The following DLG2 variants were observed in gnomAD, a reference collection of about 807,000 sequenced individuals.
DLG2 encodes the protein disks large homolog 2.
A neutral mutation model predicts 132.5 loss-of-function variants in DLG2; 45 were observed. That is an observed-to-expected ratio of 0.34 (90% CI 0.27 to 0.44). The LOEUF is 0.44. Ranked by LOEUF, DLG2 falls within the 20% of genes least tolerant of loss-of-function variation. The probability of loss-of-function intolerance (pLI) is 1.00; values close to 1 mark genes in which losing one functional copy is unlikely to be tolerated. For missense variants in DLG2, 1,045 were observed against 1,196.9 expected (o/e 0.87, Z 1.87); for synonymous variants, 424 against 419.6 (o/e 1.01, Z -0.13).
intron 3 of DLG2, among the ~76,000 whole-genome samples, chr11:85,473,743 C>T (rs2093057240): frequency 6.6e-6 from 1 of 151,778 alleles, no homozygotes; most frequent in Non-Finnish European, 1.5e-5. Flanking sequence ...GAAAAAAATA[C>T]ATAAATATTG....
At chr11:84,324,158 C>G (rs985160091) in intron 7 of DLG2, among the ~76,000 whole-genome samples, 2 of 151,900 alleles carry the variant, frequency 1.3e-5, no homozygotes, top group East Asian at 3.9e-4. Context: ...ATAGGATTTT[C>G]TTTATATTTT....
chr11:85,577,164 A>T (rs922797628), intron 3 of DLG2, among the ~76,000 whole-genome samples: 16 of 152,128 alleles, frequency 1.1e-4, no homozygotes, highest in African/African-American at 3.9e-4. Context: ...ACTGAGATAA[A>T]CTAACTTTTG....
intron 6 of DLG2, among the ~76,000 whole-genome samples, chr11:84,830,245 T>C (rs1249153974): frequency 6.6e-6 from 1 of 151,546 alleles, no homozygotes; most frequent in Non-Finnish European, 1.5e-5. Flanking sequence ...CAAGTATGAA[T>C]GAGGCTTAAC....
At chr11:83,562,763 T>G (rs2096633832) in intron 19 of DLG2, among the ~76,000 whole-genome samples, 1 of 152,042 alleles carries the variant, frequency 6.6e-6, no homozygotes, top group Non-Finnish European at 1.5e-5. Flanking sequence ...TCTATAAAAT[T>G]TTGTTGTTCT....
chr11:83,695,259 A>C (rs1003767436), intron 18 of DLG2, among the ~76,000 whole-genome samples: 1 of 152,238 alleles, frequency 6.6e-6, no homozygotes, highest in African/African-American at 2.4e-5. Flanking sequence ...TTCTGGGAAT[A>C]CAAACATGAA....
At chr11:83,733,576 C>T (rs2091400348) in intron 18 of DLG2, among the ~76,000 whole-genome samples, 1 of 152,160 alleles carries the variant, frequency 6.6e-6, no homozygotes, top group South Asian at 2.1e-4. Flanking sequence ...TGCTTAGTCC[C>T]TCTAATGTCT....
intron 6 of DLG2, among the ~76,000 whole-genome samples, chr11:84,653,305 T>G (rs2099684352): frequency 6.6e-6 from 1 of 152,186 alleles, no homozygotes; most frequent in African/African-American, 2.4e-5. Flanking sequence ...CAGAGCAGTT[T>G]CAATTCTAAC....
chr11:84,573,981 C>A (rs2099492274), intron 6 of DLG2, among the ~76,000 whole-genome samples: 1 of 152,146 alleles, frequency 6.6e-6, no homozygotes, highest in South Asian at 2.1e-4. Flanking sequence ...ACTATTCAAC[C>A]AACTCCTTTA....
At chr11:83,868,782 G>A (rs2062878468) in intron 16 of DLG2, among the ~76,000 whole-genome samples, 1 of 152,006 alleles carries the variant, frequency 6.6e-6, no homozygotes, top group Non-Finnish European at 1.5e-5. Context: ...ATATTTATCA[G>A]CATGTCAACT....
intron 7 of DLG2, among the ~76,000 whole-genome samples, chr11:84,261,988 C>T (rs2097553180): frequency 1.3e-5 from 2 of 152,118 alleles, no homozygotes; most frequent in Admixed American, 1.3e-4. Flanking sequence ...CTATTCACTG[C>T]AGAGCATGAA....
chr11:85,515,386 T>G (rs530237228), intron 3 of DLG2, among the ~76,000 whole-genome samples: 6 of 151,966 alleles, frequency 3.9e-5, no homozygotes, highest in Non-Finnish European at 8.8e-5. Flanking sequence ...TGGACTTTTG[T>G]GTCAAGCAGA....
intron 5 of DLG2, among the ~76,000 whole-genome samples, chr11:85,128,357 G>A (rs2075363887): frequency 6.6e-6 from 1 of 151,972 alleles, no homozygotes; most frequent in African/African-American, 2.4e-5. Context: ...AATAATGTTA[G>A]ATTCAAAATA....
intron 7 of DLG2, among the ~76,000 whole-genome samples, chr11:84,407,362 T>C (rs1275205443): frequency 6.6e-6 from 1 of 152,152 alleles, no homozygotes; most frequent in African/African-American, 2.4e-5. Context: ...CTGGGTTCTT[T>C]TGTTGCCTTT....
rs1194916817 is a variant in DLG2, at chr11:85,464,086, T to C, written c.40+134571A>G. ...AGGTTGTATCATATACAAGGTGCTA[T>C]ATCATTTGCCAGATATACAGTGATA... On this transcript the variant is annotated intron_variant, in intron 3 of 27. Transcript: ENST00000376104. 2.0e-5 allele frequency among the ~76,000 whole-genome samples: 3 copies of C among 150,780 alleles called. No individual in the cohort carries two copies. In the East Asian group the frequency reaches 5.9e-4, roughly 30 times the overall value.
Position 84,286,388 on chromosome 11 carries a change from T to G in DLG2, c.520-35097A>C, listed in dbSNP as rs190187618. On this transcript the variant is annotated intron_variant, in intron 7 of 27. Transcript: ENST00000376104. ...AAGTCAATAGCTCTCCTGAGTAAAT[T>G]TGCTTTCATCATACACTTAGCTAGT... is the stretch of plus-strand genomic sequence containing the variant. Among the ~76,000 whole-genome samples the G allele has an allele frequency of 3.4e-3, 519 of 152,282 alleles. 8 individuals carry two copies. Among genetic ancestry groups the G allele is most frequent in the African/African-American group, 0.012 (502 of 41,550 alleles).
intron 3 of DLG2, among the ~76,000 whole-genome samples, chr11:85,582,513 T>G (rs2078593267): frequency 6.6e-6 from 1 of 150,376 alleles, no homozygotes; most frequent in East Asian, 2.0e-4. Context: ...AATTTGAGAG[T>G]ATAAAATCAT....
intron 4 of DLG2, among the ~76,000 whole-genome samples, chr11:85,163,206 T>TACACACACAC (rs776985320): frequency 1.0e-4 from 15 of 148,276 alleles, no homozygotes; most frequent in African/African-American, 3.2e-4. Context: ...TTATATATAT[T>TACACACACAC]ACACACACAC....
rs71066055 is a variant in DLG2, at chr11:83,605,007, C to CAGAGAGAGAGAGAGAG, written c.1940+28188_1940+28203dup. Among the ~76,000 whole-genome samples the CAGAGAGAGAGAGAGAG allele has an allele frequency of 8.8e-3, 1,143 of 129,846 alleles. 27 individuals are homozygous for CAGAGAGAGAGAGAGAG. The highest frequency in any genetic ancestry group is 0.02 in the African/African-American group (696 of 34,072). The allele number at this position is 129,846 out of a possible 152,430, so 85.2% of individuals were successfully genotyped here. A position where few individuals can be genotyped will look rare whatever the true frequency, so the allele number is the denominator to read the frequency against. Reference sequence around the variant, plus strand: ...TTTGAAATGGACCAGTTTTCAAAGACAGAGAGAGAGAGAGAGAGAGAGAGA... The same window carrying CAGAGAGAGAGAGAGAG: ...TTTGAAATGGACCAGTTTTCAAAGACAGAGAGAGAGAGAGAGAGAGAGAGAGAGAGAGAGAGAGAGA... On this transcript the variant is annotated intron_variant, in intron 19 of 27. Coordinates refer to ENST00000376104, the MANE Select transcript of DLG2 (RefSeq NM_001142699.3).
intron 18 of DLG2, among the ~76,000 whole-genome samples, chr11:83,749,911 A>G (rs895258911): frequency 2.0e-5 from 3 of 152,192 alleles, no homozygotes; most frequent in African/African-American, 7.2e-5. Flanking sequence ...CTTCCTAAGA[A>G]TTATGCTGTT....
Sources: gnomAD v4.1 joint callset for allele counts (sites outside exome capture counted in the v4.1 genomes callset) on GRCh38, gnomAD v4.1.1 for gene constraint, MANE v1.5 for transcripts, NCBI Gene and HGNC (gene_info 2026-07-23, HGNC 2026-07-21) for gene names.